Variants in OR11A1 observed in about 807,000 individuals in gnomAD.
OR11A1 encodes olfactory receptor family 11 subfamily A member 1, also known as olfactory receptor 11A1.
For missense variants in OR11A1, 380 were observed against 378.2 expected, an observed-to-expected ratio of 1.00 and a Z score of -0.04; for synonymous variants, 158 against 152.2, an observed-to-expected ratio of 1.04 and a Z score of -0.28.
chr6:29,453,843 G>C lies in OR11A1; in HGVS notation c.-389+3144C>G, dbSNP rs191193221. Among the ~76,000 whole-genome samples the C allele has an allele frequency of 1.4e-3, 210 of 152,240 alleles. 5 individuals are homozygous for C. In the East Asian group the frequency reaches 0.021, roughly 15 times the overall value. On this transcript the variant is annotated intron_variant, in intron 1 of 4. Coordinates refer to ENST00000377149, the MANE Select transcript of OR11A1 (RefSeq NM_001394828.1). This position sits in a 1 kb window ranked among gnomAD's most constrained non-coding sequence, Gnocchi z 4.5. Reference sequence around the variant, plus strand: ...AATTTGAATATGGTCCCAGCACAAAGGCAGATGCATTAGCAGAGAATGGAA... The same window carrying C: ...AATTTGAATATGGTCCCAGCACAAACGCAGATGCATTAGCAGAGAATGGAA...
At chr6:29,441,189 A>C (rs531245640) in intron 1 of OR11A1, among the ~76,000 whole-genome samples, 4 of 152,216 alleles carry the variant, frequency 2.6e-5, no homozygotes, top group Non-Finnish European at 5.9e-5. Context: ...TGGAGGATCA[A>C]TTTCAGAAGC....
intron 1 of OR11A1, among the ~76,000 whole-genome samples, chr6:29,436,676 A>G (rs551773210): frequency 6.6e-6 from 1 of 152,326 alleles, no homozygotes; most frequent in South Asian, 2.1e-4. Flanking sequence ...GAATAATAAG[A>G]ATCAGCTGTG....
intron 3 of OR11A1, 79 bp downstream of exon 3, chr6:29,430,222 T>A: frequency 2.2e-6 from 2 of 891,672 alleles, no homozygotes; most frequent in Non-Finnish European, 2.7e-6. Context: ...CAGAGAAGAA[T>A]GCTGTTCTTC....
intron 1 of OR11A1, among the ~76,000 whole-genome samples, chr6:29,446,174 C>T (rs1249355911): frequency 6.6e-6 from 1 of 152,156 alleles, no homozygotes; most frequent in Non-Finnish European, 1.5e-5. Context: ...ATCAAGTTCC[C>T]ACAGTGTGCC....
In OR11A1 at chr6:29,427,081, G is replaced by A; in HGVS notation, c.561C>T (p.Gly187=). 1.9e-6 allele frequency: 3 copies of A among 1,612,384 alleles called. No individual in the cohort carries two copies. Among genetic ancestry groups the A allele is most frequent in the Non-Finnish European group, 2.5e-6 (3 of 1,179,986 alleles). Residue 187 remains glycine, a synonymous_variant, in exon 5 of 5, where the codon GGC becomes GGT. Coordinates refer to ENST00000377149, the MANE Select transcript of OR11A1 (RefSeq NM_001394828.1). ...QFYCDFMLFV[G]LACSDPRVAQ... is the part of the protein sequence containing the mutation. ...CCACTCTGGGATCCGAGCAAGCCAG[G>A]CCCACGAAAAGCATAAAGTCACAGT... is the stretch of plus-strand genomic sequence containing the variant.
At chr6:29,430,678 G>T (rs954352832) in intron 2 of OR11A1, among the ~76,000 whole-genome samples, 2 of 152,150 alleles carry the variant, frequency 1.3e-5, no homozygotes, top group Non-Finnish European at 2.9e-5. Context: ...AGGTGGGAAG[G>T]GGTGAGGGAT....
intron 1 of OR11A1, among the ~76,000 whole-genome samples, chr6:29,455,463 C>G (rs1176584283): frequency 6.6e-6 from 1 of 152,104 alleles, no homozygotes; most frequent in Non-Finnish European, 1.5e-5. Context: ...GTCTAGAGAT[C>G]TAATGTATAG....
chr6:29,442,303 A>G (rs985118502), intron 1 of OR11A1, among the ~76,000 whole-genome samples: 6 of 152,214 alleles, frequency 3.9e-5, no homozygotes, highest in African/African-American at 1.4e-4. Flanking sequence ...AAGAGCAAAT[A>G]TAAGGGCTAT....
At chr6:29,451,156 A>G (rs1176742295) in intron 1 of OR11A1, among the ~76,000 whole-genome samples, 1 of 152,246 alleles carries the variant, frequency 6.6e-6, no homozygotes, top group Non-Finnish European at 1.5e-5. Flanking sequence ...CGTATTAGGA[A>G]GATTGAAACT....
chr6:29,427,113 G>T lies in OR11A1; in HGVS notation c.529C>A (p.Gln177Lys). 6.2e-7 allele frequency: 1 copy of T among 1,612,926 alleles called. No homozygotes were observed. Among genetic ancestry groups the T allele is most frequent in the Non-Finnish European group, 8.5e-7 (1 of 1,180,008 alleles). Reference protein sequence around the residue: ...LRFCGPNHIDQFYCDFMLFVG... With the variant: ...LRFCGPNHIDKFYCDFMLFVG... ...AAAAGCATAAAGTCACAGTAAAACT[G>T]GTCAATGTGGTTGGGGCCACAGAAC... Residue 177 changes from glutamine to lysine, a missense_variant, in exon 5 of 5, where the codon CAG (glutamine) becomes AAG (lysine). Transcript: ENST00000377149.
intron 4 of OR11A1, chr6:29,428,128 G>C: frequency 1.6e-6 from 1 of 611,558 alleles, no homozygotes; most frequent in Non-Finnish European, 2.1e-6. Context: ...TGAGAATTCT[G>C]TCTAATCCCC....
intron 1 of OR11A1, chr6:29,440,591 G>T (rs770246745): frequency 1.2e-6 from 2 of 1,613,796 alleles, no homozygotes; most frequent in African/African-American, 2.7e-5. Context: ...GAGACACCTC[G>T]CTTAATGAAC....
rs1782770282 is a variant in OR11A1 at position 29,426,005 on chromosome 6, AGTT to A, written c.*686_*688del. 1 of 152,264 alleles carries A rather than the reference AGTT, an allele frequency of 6.6e-6. No homozygotes were observed. The highest frequency in any genetic ancestry group is 1.5e-5 in the Non-Finnish European group (1 of 68,020). 9.4% of individuals were successfully genotyped at this position (152,264 alleles called of 1,614,324 possible). A position where few individuals can be genotyped will look rare whatever the true frequency, so the allele number is the denominator to read the frequency against. ...GAAATAGATGCTTGTTAATAGAAAA[AGTT>A]GTTCGTGACACAGTGTTCAGTGGAA... is the stretch of plus-strand genomic sequence containing the variant. On this transcript the variant is annotated 3_prime_UTR_variant, in exon 5 of 5. Coordinates refer to ENST00000377149, the MANE Select transcript of OR11A1 (RefSeq NM_001394828.1).
In OR11A1 at chr6:29,428,912, C is replaced by G; in HGVS notation, c.-92+1G>C. On this transcript the variant is annotated splice_donor_variant, in intron 4 of 4. Transcript: ENST00000377149. LOFTEE classifies it low-confidence loss of function (5UTR_SPLICE). Reference sequence around the variant, plus strand: ...AATATCTGAAAATGGCTCTGTCATACCTGCTGGAAGGTTTTCATATGCTAT... The same window carrying G: ...AATATCTGAAAATGGCTCTGTCATAGCTGCTGGAAGGTTTTCATATGCTAT... 1 of 968,534 alleles carries G rather than the reference C, an allele frequency of 1.0e-6. No individual in the cohort carries two copies. The highest frequency in any genetic ancestry group is 1.2e-6 in the Non-Finnish European group (1 of 815,198). The allele number at this position is 968,534 out of a possible 1,614,324, so 60.0% of individuals were successfully genotyped here. A position where few individuals can be genotyped will look rare whatever the true frequency, so the allele number is the denominator to read the frequency against.
chr6:29,455,044 A>G (rs1006711505), intron 1 of OR11A1, among the ~76,000 whole-genome samples: 14 of 152,176 alleles, frequency 9.2e-5, no homozygotes, highest in African/African-American at 2.9e-4. Flanking sequence ...ATAAACATAT[A>G]AGCTAGAAAT....
intron 1 of OR11A1, among the ~76,000 whole-genome samples, chr6:29,448,208 G>T (rs1784981606): frequency 6.6e-6 from 1 of 151,526 alleles, no homozygotes; most frequent in Non-Finnish European, 1.5e-5. Context: ...GTAAAGATGG[G>T]GTTTCACCAA....
Position 29,426,782 on chromosome 6 carries a change from T to C in OR11A1, c.860A>G (p.Asn287Ser), listed in dbSNP as rs778077839. 25 of 1,613,062 alleles carry C rather than the reference T, an allele frequency of 1.5e-5. No homozygotes were observed. Among genetic ancestry groups the C allele is most frequent in the Admixed American group, 1.7e-5 (1 of 60,024 alleles). Residue 287 changes from asparagine to serine, a missense_variant, in exon 5 of 5, where the codon AAT becomes AGT. Asn to Ser is a conservative substitution (Grantham distance 46). Coordinates refer to ENST00000377149, the MANE Select transcript of OR11A1 (RefSeq NM_001394828.1). ...LLYTVVTPLF[N>S]PVIYTMRNKE... ...GTTCCTCATGGTATAGATCACAGGA[T>C]TGAAGAGAGGGGTGACCACAGTGTA...
At chr6:29,444,910 C>T (rs1468995951) in intron 1 of OR11A1, among the ~76,000 whole-genome samples, 1 of 152,228 alleles carries the variant, frequency 6.6e-6, no homozygotes, top group Non-Finnish European at 1.5e-5. Context: ...ACCTTTCTCC[C>T]TGACACTCCC....
intron 1 of OR11A1, among the ~76,000 whole-genome samples, chr6:29,437,047 G>A (rs1243182543): frequency 6.6e-6 from 1 of 152,234 alleles, no homozygotes. Context: ...GACAGGTGCT[G>A]GAGAGGATGT....
Sources: gnomAD v4.1 joint callset for allele counts (sites outside exome capture counted in the v4.1 genomes callset) on GRCh38, gnomAD v4.1.1 for gene constraint, Gnocchi (gnomAD v3.1) non-coding constraint, MANE v1.5 for transcripts, NCBI Gene and HGNC (gene_info 2026-07-23, HGNC 2026-07-21) for gene names.